DLGAP4: variants seen among roughly 807,000 people sequenced by gnomAD.
The protein encoded by DLGAP4 is DLG associated protein 4.
A neutral mutation model predicts 86.9 loss-of-function variants in DLGAP4; 18 were observed. That is an observed-to-expected ratio of 0.21 (90% confidence interval 0.14 to 0.31). DLGAP4 has a LOEUF of 0.31. Ranked by LOEUF, DLGAP4 falls within the 10% of genes least tolerant of loss-of-function variation. The probability of loss-of-function intolerance (pLI) is 1.00; values close to 1 mark genes in which losing one functional copy is unlikely to be tolerated. For missense variants in DLGAP4, 1,085 were observed against 1,362.6 expected (o/e 0.80, Z 3.21); for synonymous variants, 548 against 574.3 (o/e 0.95, Z 0.65).
chr20:36,457,929 G>T (rs766138867), intron 7 of DLGAP4, among the ~76,000 whole-genome samples: 1 of 151,872 alleles, frequency 6.6e-6, no homozygotes, highest in South Asian at 2.1e-4. Context: ...CACCACACCC[G>T]GATTGAGTGA....
chr20:36,497,121 G>C, intron 8 of DLGAP4, 55 bp downstream of exon 8: 1 of 1,529,608 alleles, frequency 6.5e-7, no homozygotes, highest in Non-Finnish European at 8.8e-7. Context: ...ACCTGCCTGT[G>C]TGTAATTACA....
rs147148249 is a variant in DLGAP4 at position 36,385,357 on chromosome 20, T to A, written c.-73+18082T>A. On this transcript the variant is annotated intron_variant, in intron 2 of 12. Coordinates refer to ENST00000339266, the MANE Select transcript of DLGAP4 (RefSeq NM_001365621.2). The stretch of plus-strand genomic sequence containing the variant: ...ACGGTAATCACTGCCCTGTAGATGG[T>A]TTTCAGGATCAGAAGAGAGAGTGGG... Among the ~76,000 whole-genome samples, 1,146 of 152,080 alleles carry A rather than the reference T, an allele frequency of 7.5e-3. 5 individuals carry two copies. Among genetic ancestry groups the A allele is most frequent in the Middle Eastern group, 0.014 (4 of 294 alleles).
At chr20:36,476,954 A>G (rs915621186) in intron 7 of DLGAP4, among the ~76,000 whole-genome samples, 2 of 151,086 alleles carry the variant, frequency 1.3e-5, no homozygotes, top group Non-Finnish European at 3.0e-5. Flanking sequence ...CAGCCTCCCA[A>G]AGTGCTGGGA....
intron 7 of DLGAP4, among the ~76,000 whole-genome samples, chr20:36,457,013 C>A (rs1447185207): frequency 6.6e-6 from 1 of 152,128 alleles, no homozygotes; most frequent in Non-Finnish European, 1.5e-5. Context: ...CATCAGTGAG[C>A]AAAATGGAAA....
chr20:36,440,292 G>A (rs766639336), intron 5 of DLGAP4, among the ~76,000 whole-genome samples: 1 of 152,186 alleles, frequency 6.6e-6, no homozygotes, highest in Non-Finnish European at 1.5e-5. Context: ...TCTGGGGGCT[G>A]TTGAGAGGAA....
intron 2 of DLGAP4, among the ~76,000 whole-genome samples, chr20:36,370,486 A>G (rs2030883654): frequency 6.8e-6 from 1 of 147,542 alleles, no homozygotes; most frequent in Non-Finnish European, 1.5e-5. Flanking sequence ...ACCCTGTCTC[A>G]AAAAAAAAAG....
rs568203058 is a variant in DLGAP4, at chr20:36,491,659, G to A, written c.1649-5046G>A. Reference sequence around the variant, plus strand: ...AAGGGGTATGCTGAGGGGGTGGGAGGGGCATGAGATGAAGCTGCTGAGATG... The same window carrying A: ...AAGGGGTATGCTGAGGGGGTGGGAGAGGCATGAGATGAAGCTGCTGAGATG... On this transcript the variant is annotated intron_variant, in intron 7 of 12. Coordinates refer to ENST00000339266, the MANE Select transcript of DLGAP4 (RefSeq NM_001365621.2). 2.0e-5 allele frequency among the ~76,000 whole-genome samples: 3 copies of A among 152,128 alleles called. No individual in the cohort carries two copies. The South Asian group carries it at 6.2e-4, about 32-fold the overall frequency.
chr20:36,336,389 C>T (rs377527014), intron 1 of DLGAP4, among the ~76,000 whole-genome samples: 1 of 152,276 alleles, frequency 6.6e-6, no homozygotes, highest in Admixed American at 6.5e-5. Context: ...TGCAGGGCTT[C>T]CCGCCTGTGT....
intron 2 of DLGAP4, among the ~76,000 whole-genome samples, chr20:36,414,613 A>G (rs1217034607): frequency 6.6e-6 from 1 of 152,214 alleles, no homozygotes. Context: ...GCTTGAGCCC[A>G]GTTAGCAAAG....
At position 36,329,954 on chromosome 20, in the gene DLGAP4, G is replaced by A. The variant is rs1357044588; in HGVS notation, c.-304+23442G>A. Among the ~76,000 whole-genome samples, 4 of 151,964 alleles carry A rather than the reference G, an allele frequency of 2.6e-5. No individual in the cohort carries two copies. In the East Asian group the frequency reaches 5.8e-4, roughly 22 times the overall value. The stretch of plus-strand genomic sequence containing the variant: ...GCCAAAGCAGAGGAATCACTTAACC[G>A]GGGAGGTGGAGGTTGCAGTGAGCAA... On this transcript the variant is annotated intron_variant, in intron 1 of 12. Transcript: ENST00000339266.
At chr20:36,435,720 C>T (rs548001691) in intron 3 of DLGAP4, among the ~76,000 whole-genome samples, 2 of 152,348 alleles carry the variant, frequency 1.3e-5, no homozygotes, top group South Asian at 2.1e-4. Context: ...CCTCTTTCTG[C>T]AAGTGCCTTG....
intron 7 of DLGAP4, chr20:36,465,397 G>A (rs2034304258): frequency 6.6e-6 from 1 of 152,180 alleles, no homozygotes; most frequent in African/African-American, 2.4e-5. Context: ...CCCAGAGAGA[G>A]ACAAGGACCT....
intron 1 of DLGAP4, among the ~76,000 whole-genome samples, chr20:36,362,957 G>A (rs964085578): frequency 6.6e-6 from 1 of 152,166 alleles, no homozygotes. Context: ...TTGCAGAGAA[G>A]ATATTTGCCC....
chr20:36,343,082 G>T (rs1242818939), intron 1 of DLGAP4, among the ~76,000 whole-genome samples: 4 of 152,112 alleles, frequency 2.6e-5, no homozygotes, highest in Non-Finnish European at 5.9e-5. Flanking sequence ...GGGCCTTCTG[G>T]CCCTCAGCCC....
At chr20:36,513,199 T>C (rs1255639759) in intron 10 of DLGAP4, among the ~76,000 whole-genome samples, 1 of 151,710 alleles carries the variant, frequency 6.6e-6, no homozygotes, top group Non-Finnish European at 1.5e-5. Context: ...AGGCTTGGTT[T>C]TACTCCAAGA....
chr20:36,324,210 T>C (rs2147349322), intron 1 of DLGAP4, among the ~76,000 whole-genome samples: 1 of 152,300 alleles, frequency 6.6e-6, no homozygotes, highest in East Asian at 1.9e-4. Flanking sequence ...GAGGATCATT[T>C]GAGGTCAGGA....
At chr20:36,345,154 C>T (rs1234527331) in intron 1 of DLGAP4, among the ~76,000 whole-genome samples, 14 of 152,218 alleles carry the variant, frequency 9.2e-5, no homozygotes, top group East Asian at 1.9e-4. Flanking sequence ...TGACATGTCC[C>T]AGCTGGAAGG....
intron 7 of DLGAP4, among the ~76,000 whole-genome samples, chr20:36,464,065 C>T (rs902908060): frequency 2.0e-5 from 3 of 152,192 alleles, no homozygotes; most frequent in South Asian, 2.1e-4. Context: ...ACTGTGTACG[C>T]TGTGCTTGGT....
At chr20:36,515,734 G>T (rs2036999125) in intron 10 of DLGAP4, among the ~76,000 whole-genome samples, 1 of 152,148 alleles carries the variant, frequency 6.6e-6, no homozygotes, top group South Asian at 2.1e-4. Context: ...CTCCTTTTCT[G>T]AGGTGCCTTT....
Sources: allele counts gnomAD v4.1 joint callset (sites outside exome capture counted in the v4.1 genomes callset), GRCh38; gene constraint gnomAD v4.1.1; transcripts MANE v1.5; gene names NCBI Gene and HGNC (gene_info 2026-07-23, HGNC 2026-07-21).